COL3A1: variants seen among roughly 807,000 people sequenced by gnomAD.
The protein encoded by COL3A1 is collagen type III alpha 1 chain, also known as collagen alpha-1(III) chain.
COL3A1 carries 46 observed loss-of-function variants against 200.9 expected under a neutral mutation model. That is an observed-to-expected ratio of 0.23 (90% CI 0.18 to 0.29). COL3A1 has a LOEUF of 0.29. COL3A1 is among the 10% of genes least tolerant of loss of function. COL3A1 has a pLI of 1.00. For missense variants in COL3A1, 1,367 were observed against 1,917.6 expected (o/e 0.71, Z 5.36); for synonymous variants, 650 against 628.0 (o/e 1.03, Z -0.52).
chr2:188,988,098 C>T lies in COL3A1; in HGVS notation c.546C>T (p.Pro182=), dbSNP rs754584062. 45 of 1,612,506 alleles carry T rather than the reference C, an allele frequency of 2.8e-5. No homozygotes were observed. The highest frequency in any genetic ancestry group is 1.6e-4 in the Middle Eastern group (1 of 6,074). The part of the protein sequence containing the change: ...YPGPAGPPGP[P]GPPGTSGHPG... The stretch of plus-strand genomic sequence containing the variant: ...CATTCCAGGGCCCCCCAGGCCCTCC[C>T]GGTCCCCCTGGTACATCTGGTCATC... The change falls in exon 6 of 51, where the codon CCC becomes CCT. Residue 182 remains proline, a synonymous_variant. Coordinates refer to ENST00000304636, the MANE Select transcript of COL3A1 (RefSeq NM_000090.4).
chr2:189,010,967 A>G, intron 50 of COL3A1, 77 bp downstream of exon 50: 1 of 1,542,070 alleles, frequency 6.5e-7, no homozygotes, highest in Non-Finnish European at 8.9e-7. Flanking sequence ...TTTTGAATAG[A>G]ATAAATAAAA....
At chr2:188,987,015 ACTGT>A in intron 4 of COL3A1, 40 bp from the exon 5 acceptor site, 2 of 1,521,552 alleles carry the variant, frequency 1.3e-6, no homozygotes, top group Non-Finnish European at 1.8e-6. Context: ...AGAATTATGA[ACTGT>A]CTGTTAAAAT....
chr2:188,988,050 A>AT, intron 5 of COL3A1, 31 bp from the exon 6 acceptor site: 1 of 1,553,724 alleles, frequency 6.4e-7, no homozygotes, highest in Non-Finnish European at 8.9e-7. Flanking sequence ...GCATTCATTT[A>AT]TTTTGTTTTT....
intron 50 of COL3A1, 89 bp from the exon 51 acceptor site, chr2:189,011,539 G>A: frequency 6.8e-7 from 1 of 1,470,300 alleles, no homozygotes; most frequent in Non-Finnish European, 9.5e-7. Flanking sequence ...TGCTTCTTTA[G>A]AGTAAAAAGG....
In COL3A1 at chr2:189,009,220, T is replaced by C; in HGVS notation, c.3822T>C (p.Ser1274=). The part of the protein sequence containing the change: ...DLKFCHPELK[S]GEYWVDPNQG... Reference sequence around the variant, plus strand: ...AATTCTGCCATCCTGAACTCAAGAGTGGTATGTTTGGTAGTCTTTCATCTT... The same window carrying C: ...AATTCTGCCATCCTGAACTCAAGAGCGGTATGTTTGGTAGTCTTTCATCTT... Residue 1274 remains serine, a splice_region_variant and synonymous_variant, in exon 48 of 51, where the codon AGT becomes AGC. Coordinates refer to ENST00000304636, the MANE Select transcript of COL3A1 (RefSeq NM_000090.4). 6.2e-7 allele frequency: 1 copy of C among 1,613,752 alleles called. No homozygotes were observed. The highest frequency in any genetic ancestry group is 8.5e-7 in the Non-Finnish European group (1 of 1,179,966).
At chr2:189,007,741 A>C in intron 45 of COL3A1, 134 bp downstream of exon 45, 1 of 1,244,402 alleles carries the variant, frequency 8.0e-7, no homozygotes, top group Non-Finnish European at 1.2e-6. Flanking sequence ...ATTTGAAACA[A>C]CAATCAGCAT....
chr2:188,991,088 A>C, intron 11 of COL3A1, 31 bp downstream of exon 11: 1 of 1,598,358 alleles, frequency 6.3e-7, no homozygotes, highest in Non-Finnish European at 8.6e-7. Flanking sequence ...TATTTTCATA[A>C]GTAAATTCAT....
chr2:188,993,308 CTAAG>C (rs1688227511), intron 15 of COL3A1, 49 bp from the exon 16 acceptor site: 1 of 1,446,486 alleles, frequency 6.9e-7, no homozygotes, highest in Non-Finnish European at 9.5e-7. Flanking sequence ...GGTGAAGTGG[CTAAG>C]TGAGTAGAAG....
intron 40 of COL3A1, 96 bp from the exon 41 acceptor site, chr2:189,005,254 A>G: frequency 1.8e-6 from 2 of 1,136,718 alleles, no homozygotes; most frequent in Non-Finnish European, 2.6e-6. Flanking sequence ...GATTAAATAA[A>G]ATAAGTTTTT....
chr2:188,989,530 C>T (rs1223331140), intron 8 of COL3A1, 81 bp downstream of exon 8: 39 of 1,027,938 alleles, frequency 3.8e-5, no homozygotes, highest in Non-Finnish European at 5.7e-5. Context: ...ATGTCAGAAT[C>T]CCAGAAGAAA....
Position 189,001,558 on chromosome 2 carries a change from T to G in COL3A1, c.2360T>G (p.Leu787Arg). Reference sequence around the variant, plus strand: ...CAGGGTGAAGGTGGTGCCCCCGGACTTCCAGGTATAGCTGGACCTCGTGGT... The same window carrying G: ...CAGGGTGAAGGTGGTGCCCCCGGACGTCCAGGTATAGCTGGACCTCGTGGT... ...GDKGEGGAPG[L>R]PGIAGPRGSP... is the part of the protein sequence containing the mutation. The change falls in exon 34 of 51, where the codon CTT (leucine) becomes CGT (arginine). Residue 787 changes from leucine to arginine, a missense_variant. Transcript: ENST00000304636. The G allele has an allele frequency of 6.2e-7, 1 of 1,614,118 alleles. No individual in the cohort carries two copies. Among genetic ancestry groups the G allele is most frequent in the South Asian group, 1.1e-5 (1 of 91,074 alleles).
chr2:189,010,889 C>A lies in COL3A1; in HGVS notation c.4253C>A (p.Thr1418Lys), dbSNP rs1012915558. The change falls in exon 50 of 51, where the codon ACG becomes AAG. Residue 1418 changes from threonine (T) to lysine (K), a missense_variant and splice_region_variant. Physicochemically the swap from Thr to Lys is moderately conservative, Grantham distance 78. Transcript: ENST00000304636. Reference protein sequence around the residue: ...FTYTVLEDGCTKHTGEWSKTV... With the variant: ...FTYTVLEDGCKKHTGEWSKTV... Reference sequence around the variant, plus strand: ...TACACAGTTCTGGAGGATGGTTGCACGGTAGGAAACATTTTTCTCAATATA... The same window carrying A: ...TACACAGTTCTGGAGGATGGTTGCAAGGTAGGAAACATTTTTCTCAATATA... 10 of 1,613,872 alleles carry A rather than the reference C, an allele frequency of 6.2e-6. No homozygotes were observed. The East Asian group carries it at 2.2e-4, about 36-fold the overall frequency.
chr2:189,003,901 A>G, intron 38 of COL3A1, 81 bp from the exon 39 acceptor site: 3 of 1,568,298 alleles, frequency 1.9e-6, no homozygotes, highest in Admixed American at 1.7e-5. Flanking sequence ...TCTCAAATAA[A>G]ATTATTTGAA....
Position 189,004,016 on chromosome 2 carries a change from C to T in COL3A1, c.2696C>T (p.Pro899Leu). Residue 899 changes from proline to leucine, a missense_variant, in exon 39 of 51, where the codon CCA (proline) becomes CTA (leucine). Coordinates refer to ENST00000304636, the MANE Select transcript of COL3A1 (RefSeq NM_000090.4). ...NPGPPGPSGS[P>L]GKDGPPGPAG... The stretch of plus-strand genomic sequence containing the variant: ...GGACCCCCAGGTCCCAGCGGTTCTC[C>T]AGGCAAGGATGGGCCCCCAGGTCCT... 6.2e-7 allele frequency: 1 copy of T among 1,612,816 alleles called. No homozygotes were observed. The highest frequency in any genetic ancestry group is 1.3e-5 in the African/African-American group (1 of 74,956).
intron 31 of COL3A1, 98 bp from the exon 32 acceptor site, chr2:188,999,744 C>A: frequency 1.5e-6 from 2 of 1,378,824 alleles, no homozygotes; most frequent in South Asian, 1.2e-5. Context: ...TTAGAACACC[C>A]AATATATATC....
intron 49 of COL3A1, 87 bp downstream of exon 49, chr2:189,010,452 AGGTT>A: frequency 6.5e-7 from 1 of 1,541,634 alleles, no homozygotes; most frequent in East Asian, 2.3e-5. Context: ...CAAAGTTACT[AGGTT>A]GGTACAAACA....
intron 27 of COL3A1, 150 bp from the exon 28 acceptor site, chr2:188,998,116 T>C: frequency 1.4e-6 from 1 of 709,488 alleles, no homozygotes; most frequent in Non-Finnish European, 2.5e-6. Flanking sequence ...CACGTATGTG[T>C]CACTGGATTT....
chr2:189,011,726 T>C lies in COL3A1; in HGVS notation c.4353T>C (p.Gly1451=), dbSNP rs112729086. 6.2e-7 allele frequency: 1 copy of C among 1,613,972 alleles called. No individual in the cohort carries two copies. The highest frequency in any genetic ancestry group is 8.5e-7 in the Non-Finnish European group (1 of 1,179,900). ...IVDIAPYDIG[G]PDQEFGVDVG... ...ATATTGCACCCTATGACATTGGTGGTCCTGATCAAGAATTTGGTGTGGACG... is the reference window on the plus strand; with the variant it reads ...ATATTGCACCCTATGACATTGGTGGCCCTGATCAAGAATTTGGTGTGGACG... Residue 1451 remains glycine (G), a synonymous_variant, in exon 51 of 51, where the codon GGT becomes GGC. Coordinates refer to ENST00000304636, the MANE Select transcript of COL3A1 (RefSeq NM_000090.4).
intron 24 of COL3A1, 76 bp downstream of exon 24, chr2:188,996,572 G>A: frequency 8.1e-7 from 1 of 1,239,796 alleles, no homozygotes; most frequent in South Asian, 1.3e-5. Flanking sequence ...TAAAGAAATG[G>A]TCAAAACTCA....
Sources: allele counts gnomAD v4.1 joint callset, GRCh38; gene constraint gnomAD v4.1.1; transcripts MANE v1.5; gene names NCBI Gene and HGNC (gene_info 2026-07-23, HGNC 2026-07-21).